The following ERO1A variants were observed in gnomAD, a reference collection of about 807,000 sequenced individuals.
ERO1A encodes endoplasmic reticulum oxidoreductase 1 alpha, also known as ERO1-like protein alpha.
In ERO1A, 49 loss-of-function variants were observed where a neutral mutation model predicts 76.9. That is an observed-to-expected ratio of 0.64 (90% CI 0.51 to 0.81). The LOEUF (loss-of-function observed/expected upper bound fraction) is 0.81. Ranked by LOEUF, ERO1A falls within the 30% of genes least tolerant of loss-of-function variation. The pLI, the probability that ERO1A is intolerant of heterozygous loss-of-function variation, is 0.00. For missense variants in ERO1A, 448 were observed against 542.1 expected, an observed-to-expected ratio of 0.83 and a Z score of 1.72; for synonymous variants, 174 against 181.2, an observed-to-expected ratio of 0.96 and a Z score of 0.32.
chr14:52,694,971 C>T (rs769428986), intron 1 of ERO1A, among the ~76,000 whole-genome samples: 2 of 152,218 alleles, frequency 1.3e-5, no homozygotes, highest in Non-Finnish European at 2.9e-5. Flanking sequence ...ATGCACGCAG[C>T]ACAGGTACTG....
intron 13 of ERO1A, among the ~76,000 whole-genome samples, chr14:52,648,995 A>G (rs2039764020): frequency 6.6e-6 from 1 of 152,178 alleles, no homozygotes; most frequent in Non-Finnish European, 1.5e-5. Context: ...ACAGGAGAAA[A>G]TCCTTGTGAC....
intron 11 of ERO1A, among the ~76,000 whole-genome samples, chr14:52,656,758 G>T (rs762261644): frequency 6.7e-6 from 1 of 148,810 alleles, no homozygotes; most frequent in Non-Finnish European, 1.5e-5. Flanking sequence ...AGTTTAAACC[G>T]CCATTTAAAA....
At position 52,641,775 on chromosome 14, in the gene ERO1A, TCTTTC is replaced by T. The variant is rs1476673707; in HGVS notation, c.*1790_*1794del. 1.3e-5 allele frequency: 2 copies of T among 152,250 alleles called. No individual in the cohort carries two copies. Among genetic ancestry groups the T allele is most frequent in the South Asian group, 2.1e-4 (1 of 4,834 alleles). The allele number at this position is 152,250 out of a possible 1,614,324, so 9.4% of individuals were successfully genotyped here. ...GATTGACTTAATTAATGGTTTAATG[TCTTTC>T]CTTTCCTGCCTTAGAGAAAAAGGAA... On this transcript the variant is annotated 3_prime_UTR_variant, in exon 16 of 16. Transcript: ENST00000395686.
chr14:52,688,701 C>T (rs2041258350), intron 1 of ERO1A, among the ~76,000 whole-genome samples: 1 of 152,160 alleles, frequency 6.6e-6, no homozygotes, highest in Admixed American at 6.5e-5. Context: ...AACTAGATAA[C>T]CAACAGTTAG....
At chr14:52,674,226 TTC>T (rs983471145) in intron 4 of ERO1A, among the ~76,000 whole-genome samples, 15 of 152,326 alleles carry the variant, frequency 9.8e-5, no homozygotes, top group African/African-American at 2.6e-4. Flanking sequence ...CAATTTTTTT[TTC>T]TCTGTCTCCC....
intron 3 of ERO1A, 38 bp from the exon 4 acceptor site, chr14:52,678,510 T>C (rs745383884): frequency 9.3e-6 from 14 of 1,502,840 alleles, no homozygotes; most frequent in Non-Finnish European, 1.3e-5. Flanking sequence ...TTGGCATTTA[T>C]TCTATCTTCT....
In ERO1A at chr14:52,666,477, G is replaced by A. The variant is rs779879528; in HGVS notation, c.527C>T (p.Ala176Val). Residue 176 changes from alanine (A) to valine (V), a missense_variant, in exon 7 of 16, where the codon GCT becomes GTT. By Grantham distance (64) the Ala-to-Val change is moderately conservative. This residue lies in a region of ERO1A where 302 missense variants were observed against 411.9 expected (regional missense o/e 0.73). Transcript: ENST00000395686. ...CEADDIQSPE[A>V]EYVDLLLNPE... is the part of the protein sequence containing the mutation. ...ATTAAGAAGCAAATCTACATATTCAGCTTCAGGGGACTGAATGTCTGTAAA... is the reference window on the plus strand; with the variant it reads ...ATTAAGAAGCAAATCTACATATTCAACTTCAGGGGACTGAATGTCTGTAAA... 6.2e-7 allele frequency: 1 copy of A among 1,608,244 alleles called. No individual in the cohort carries two copies. Among genetic ancestry groups the A allele is most frequent in the Non-Finnish European group, 8.5e-7 (1 of 1,178,366 alleles).
chr14:52,685,217 G>A (rs1347249164), intron 1 of ERO1A, among the ~76,000 whole-genome samples: 1 of 152,022 alleles, frequency 6.6e-6, no homozygotes, highest in Non-Finnish European at 1.5e-5. Flanking sequence ...AAAGAAATAA[G>A]AATACTTTGG....
intron 1 of ERO1A, among the ~76,000 whole-genome samples, chr14:52,684,198 C>T (rs1383199917): frequency 6.6e-6 from 1 of 151,746 alleles, no homozygotes; most frequent in Admixed American, 6.6e-5. Context: ...CTCTGCCCTC[C>T]AGGCCATAGT....
At chr14:52,663,169 T>A (rs1347417415) in intron 8 of ERO1A, among the ~76,000 whole-genome samples, 2 of 152,066 alleles carry the variant, frequency 1.3e-5, no homozygotes, top group Non-Finnish European at 2.9e-5. Context: ...TTAGAAAAAA[T>A]TTGAGAGTTT....
At chr14:52,646,660 G>A in intron 13 of ERO1A, 199 bp from the exon 14 acceptor site, 2 of 447,896 alleles carry the variant, frequency 4.5e-6, no homozygotes, top group Non-Finnish European at 7.9e-6. Flanking sequence ...CAAATCCAAA[G>A]GTAGTTATTA....
At chr14:52,650,421 A>C (rs1457290412) in intron 13 of ERO1A, among the ~76,000 whole-genome samples, 2 of 151,704 alleles carry the variant, frequency 1.3e-5, no homozygotes, top group African/African-American at 4.8e-5. Context: ...AAGAGGTACT[A>C]ACTTTATTTT....
intron 1 of ERO1A, among the ~76,000 whole-genome samples, chr14:52,687,407 G>T (rs1358335720): frequency 1.3e-5 from 2 of 152,180 alleles, no homozygotes; most frequent in Non-Finnish European, 2.9e-5. Context: ...TCCAGCCTGG[G>T]CAATGGGAGT....
intron 1 of ERO1A, 52 bp downstream of exon 1, chr14:52,695,316 G>A: frequency 5.5e-6 from 7 of 1,263,416 alleles, no homozygotes; most frequent in South Asian, 1.8e-5. Flanking sequence ...GCGGGACAGT[G>A]CACGCCGCGG....
chr14:52,691,280 C>T (rs551134533), intron 1 of ERO1A, among the ~76,000 whole-genome samples: 1 of 152,292 alleles, frequency 6.6e-6, no homozygotes, highest in East Asian at 1.9e-4. Context: ...ACCAAAGATT[C>T]CACACCAGGT....
chr14:52,666,521 C>T, intron 6 of ERO1A, 26 bp from the exon 7 acceptor site: 2 of 1,581,938 alleles, frequency 1.3e-6, no homozygotes, highest in Non-Finnish European at 1.7e-6. Context: ...TCTTATTAAA[C>T]CTTTCTTATC....
chr14:52,649,804 G>A (rs2039793601), intron 13 of ERO1A, among the ~76,000 whole-genome samples: 1 of 152,196 alleles, frequency 6.6e-6, no homozygotes, highest in South Asian at 2.1e-4. Flanking sequence ...GTAGGAGGTA[G>A]ATGGGAAGTC....
rs1211047693 is a variant in ERO1A at position 52,653,226 on chromosome 14, T to G, written c.898A>C (p.Arg300=). Reference sequence around the variant, plus strand: ...TAGAGAAAATACAAGTTCTTAAGCCTTCTTGGACCTTCTCCTTCAGTCAAA... The same window carrying G: ...TAGAGAAAATACAAGTTCTTAAGCCGTCTTGGACCTTCTCCTTCAGTCAAA... ...GILTEGEGPR[R]LKNLYFLYLI... is the part of the protein sequence containing the mutation. Residue 300 remains arginine, a synonymous_variant, in exon 12 of 16, where the codon AGG becomes CGG. Transcript: ENST00000395686. 5 of 1,612,748 alleles carry G rather than the reference T, an allele frequency of 3.1e-6. No individual in the cohort carries two copies. The highest frequency in any genetic ancestry group is 4.2e-6 in the Non-Finnish European group (5 of 1,179,090).
At position 52,679,917 on chromosome 14, in the gene ERO1A, T is replaced by C. The variant is rs527765288; in HGVS notation, c.319-1445A>G. Reference sequence around the variant, plus strand: ...AATACAAAAAATTAGCTGGGCATGATGTGTGCCTGTAGTCCGCCTGTAGTC... The same window carrying C: ...AATACAAAAAATTAGCTGGGCATGACGTGTGCCTGTAGTCCGCCTGTAGTC... On this transcript the variant is annotated intron_variant, in intron 3 of 15. Coordinates refer to ENST00000395686, the MANE Select transcript of ERO1A (RefSeq NM_014584.3). Among the ~76,000 whole-genome samples, 3 of 151,880 alleles carry C rather than the reference T, an allele frequency of 2.0e-5. No individual in the cohort carries two copies. In the East Asian group the frequency reaches 5.9e-4, roughly 30 times the overall value.
Sources: gnomAD v4.1 joint callset for allele counts (sites outside exome capture counted in the v4.1 genomes callset) on GRCh38, gnomAD v4.1.1 for gene constraint, gnomAD v4.1.1 regional missense constraint, MANE v1.5 for transcripts, NCBI Gene and HGNC (gene_info 2026-07-23, HGNC 2026-07-21) for gene names.